The following CLTC variants were observed in gnomAD, a reference collection of about 807,000 sequenced individuals.
CLTC encodes clathrin heavy chain.
A neutral mutation model predicts 195.8 loss-of-function variants in CLTC; 16 were observed. The observed-to-expected ratio is 0.08, with a 90% confidence interval of 0.06 to 0.12. The LOEUF (loss-of-function observed/expected upper bound fraction) is 0.12. CLTC is among the 10% of genes least tolerant of loss of function. The pLI is 1.00. For missense variants in CLTC, 796 were observed against 2,027.0 expected, an observed-to-expected ratio of 0.39 and a Z score of 11.66; for synonymous variants, 667 against 689.4, an observed-to-expected ratio of 0.97 and a Z score of 0.51.
chr17:59,622,091 T>C (rs183470686), intron 1 of CLTC, among the ~76,000 whole-genome samples: 1 of 152,364 alleles, frequency 6.6e-6, no homozygotes, highest in East Asian at 1.9e-4. Context: ...TTGTCACTTA[T>C]TAAAGACAAA....
chr17:59,661,580 T>C lies in CLTC; in HGVS notation c.1305T>C (p.Leu435=). ...GQLNKYESLE[L]CRPVLQQGRK... The stretch of plus-strand genomic sequence containing the variant: ...TCAACAAATACGAATCCTTAGAGCT[T>C]TGTAGGCCTGTACTTCAGCAAGGGC... The change falls in exon 8 of 32, where the codon CTT becomes CTC. Residue 435 remains leucine, a synonymous_variant. Transcript: ENST00000269122. 4 of 1,614,096 alleles carry C rather than the reference T, an allele frequency of 2.5e-6. No individual in the cohort carries two copies. The highest frequency in any genetic ancestry group is 2.5e-6 in the Non-Finnish European group (3 of 1,179,982).
intron 1 of CLTC, among the ~76,000 whole-genome samples, chr17:59,631,206 T>G (rs2031704693): frequency 6.6e-6 from 1 of 152,232 alleles, no homozygotes; most frequent in African/African-American, 2.4e-5. Flanking sequence ...TCAGATTGTT[T>G]CCGTTTCTTC....
At chr17:59,644,587 G>A (rs112296919) in intron 2 of CLTC, 104 bp downstream of exon 2, 2 of 957,618 alleles carry the variant, frequency 2.1e-6, no homozygotes. Context: ...TTTTACTCTT[G>A]TCACCCAGGC....
intron 30 of CLTC, chr17:59,689,711 C>A (rs1342433476): frequency 1.3e-5 from 2 of 152,042 alleles, no homozygotes; most frequent in Non-Finnish European, 2.9e-5. Flanking sequence ...TTCTCTAGTC[C>A]CAGGGTTGTA....
rs1264400681 is a variant in CLTC at position 59,681,616 on chromosome 17, TC to T, written c.3250-30del. The T allele has an allele frequency of 6.3e-7, 1 of 1,594,202 alleles. No individual in the cohort carries two copies. Among genetic ancestry groups the T allele is most frequent in the Admixed American group, 1.7e-5 (1 of 58,542 alleles). On this transcript the variant is annotated intron_variant, in intron 20 of 31. Transcript: ENST00000269122. This position sits in a 1 kb window ranked among gnomAD's most constrained non-coding sequence, Gnocchi z 5.0. Reference sequence around the variant, plus strand: ...TTGCTTTGGGTAGGATTGATTTTACTCTAACCCTAATTTCAAACTTGGATAC... The same window carrying T: ...TTGCTTTGGGTAGGATTGATTTTACTTAACCCTAATTTCAAACTTGGATAC...
At chr17:59,667,167 A>T (rs2032750497) in intron 13 of CLTC, 190 bp downstream of exon 13, 1 of 417,442 alleles carries the variant, frequency 2.4e-6, no homozygotes, top group Non-Finnish European at 4.3e-6. Context: ...GCAGTGAACC[A>T]GACCATCTGT....
chr17:59,676,165 C>T (rs1273772464), intron 16 of CLTC, among the ~76,000 whole-genome samples: 1 of 152,040 alleles, frequency 6.6e-6, no homozygotes, highest in Admixed American at 6.6e-5. Flanking sequence ...CTCCACTGCA[C>T]TCCAGCTTGG....
chr17:59,696,504 G>A lies in CLTC; in HGVS notation c.*2652G>A, dbSNP rs371937092. 2.0e-4 allele frequency: 40 copies of A among 195,584 alleles called. 2 individuals carry two copies. Among genetic ancestry groups the A allele is most frequent in the Admixed American group, 1.4e-3 (21 of 14,532 alleles). The allele number at this position is 195,584 out of a possible 1,614,324, so 12.1% of individuals were successfully genotyped here. ...ACACTGATTTTAGAAATTACTGTCA[G>A]TATCCTCCTAAAAGAAGGCTTAAAT... On this transcript the variant is annotated 3_prime_UTR_variant, in exon 32 of 32. Coordinates refer to ENST00000269122, the MANE Select transcript of CLTC (RefSeq NM_004859.4).
At position 59,683,242 on chromosome 17, in the gene CLTC, T is replaced by A. The variant is rs774637585; in HGVS notation, c.4021T>A (p.Ser1341Thr). The A allele has an allele frequency of 6.2e-7, 1 of 1,614,076 alleles. No individual in the cohort carries two copies. Among genetic ancestry groups the A allele is most frequent in the Non-Finnish European group, 8.5e-7 (1 of 1,179,976 alleles). Residue 1341 changes from serine (S) to threonine (T), a missense_variant, in exon 25 of 32, where the codon TCT (serine) becomes ACT (threonine). Ser to Thr is a moderately conservative substitution (Grantham distance 58). Around this residue, in one of 9 missense-constraint regions of CLTC, gnomAD observed 102 missense variants for 317.6 expected, o/e 0.32. Coordinates refer to ENST00000269122, the MANE Select transcript of CLTC (RefSeq NM_004859.4). The surrounding 1 kb of genome is among the most constrained non-coding windows in gnomAD (Gnocchi z 6.1). Reference sequence around the variant, plus strand: ...GAGGGAGCACCTGGAGCTGTTCTGGTCTAGAGTGAATATTCCCAAGGTAAC... The same window carrying A: ...GAGGGAGCACCTGGAGCTGTTCTGGACTAGAGTGAATATTCCCAAGGTAAC... The part of the protein sequence containing the change: ...KMREHLELFW[S>T]RVNIPKVLRA...
At chr17:59,621,326 G>A (rs2031371044) in intron 1 of CLTC, among the ~76,000 whole-genome samples, 1 of 152,188 alleles carries the variant, frequency 6.6e-6, no homozygotes, top group Non-Finnish European at 1.5e-5. Flanking sequence ...TCCCCTTAAA[G>A]AAACCTGCCT....
rs969794652 is a variant in CLTC at position 59,695,689 on chromosome 17, T to G, written c.*1837T>G. Reference sequence around the variant, plus strand: ...TCAAAAAACAAAAAAACCTATTTAGTTTCATCCAGGACATTAAGTGAAAGT... The same window carrying G: ...TCAAAAAACAAAAAAACCTATTTAGGTTCATCCAGGACATTAAGTGAAAGT... On this transcript the variant is annotated 3_prime_UTR_variant, in exon 32 of 32. Coordinates refer to ENST00000269122, the MANE Select transcript of CLTC (RefSeq NM_004859.4). The G allele has an allele frequency of 5.3e-5, 10 of 188,672 alleles. No individual in the cohort carries two copies. Among genetic ancestry groups the G allele is most frequent in the Non-Finnish European group, 1.1e-4 (10 of 89,746 alleles). The allele number at this position is 188,672 out of a possible 1,614,324, so 11.7% of individuals were successfully genotyped here.
In CLTC at chr17:59,681,925, A is replaced by C. The variant is rs1348890534; in HGVS notation, c.3442+86A>C. Reference sequence around the variant, plus strand: ...ATCTGTCTATTCTGAATTTTAGAAGAGTTGGATACTGCATGGTTTCTTTTA... The same window carrying C: ...ATCTGTCTATTCTGAATTTTAGAAGCGTTGGATACTGCATGGTTTCTTTTA... On this transcript the variant is annotated intron_variant, in intron 21 of 31. Coordinates refer to ENST00000269122, the MANE Select transcript of CLTC (RefSeq NM_004859.4). The surrounding 1 kb of genome is among the most constrained non-coding windows in gnomAD (Gnocchi z 5.0). The C allele has an allele frequency of 8.4e-6, 10 of 1,197,222 alleles. No homozygotes were observed. The East Asian group carries it at 2.1e-4, about 25-fold the overall frequency. 74.2% of individuals were successfully genotyped at this position (1,197,222 alleles called of 1,614,324 possible).
chr17:59,675,666 C>G (rs1414962895), intron 16 of CLTC, among the ~76,000 whole-genome samples: 2 of 151,962 alleles, frequency 1.3e-5, no homozygotes, highest in African/African-American at 4.8e-5. Flanking sequence ...GATTTTATGT[C>G]ATAACAATTT....
chr17:59,685,823 A>C lies in CLTC; in HGVS notation c.4827+15A>C. 1 of 1,577,842 alleles carries C rather than the reference A, an allele frequency of 6.3e-7. No homozygotes were observed. The highest frequency in any genetic ancestry group is 8.7e-7 in the Non-Finnish European group (1 of 1,154,582). The stretch of plus-strand genomic sequence containing the variant: ...ACTTGACAAAGGTAATGACTCTTCT[A>C]AGTGTATTCAGAACTAGTTTCCTTG... On this transcript the variant is annotated intron_variant, in intron 30 of 31. Transcript: ENST00000269122. The surrounding 1 kb of genome is among the most constrained non-coding windows in gnomAD (Gnocchi z 5.0).
chr17:59,653,083 G>A (rs1414092930), intron 5 of CLTC, among the ~76,000 whole-genome samples: 1 of 152,158 alleles, frequency 6.6e-6, no homozygotes, highest in Non-Finnish European at 1.5e-5. Context: ...AGCCTTCACA[G>A]AATTGAGGAG....
Position 59,685,691 on chromosome 17 carries a change from G to A in CLTC, c.4710G>A (p.Leu1570=). The change falls in exon 30 of 32, where the codon CTG becomes CTA. Residue 1570 remains leucine (L), a synonymous_variant. Transcript: ENST00000269122. This position sits in a 1 kb window ranked among gnomAD's most constrained non-coding sequence, Gnocchi z 5.0. ...EEKRECFGAC[L]FTCYDLLRPD... is the part of the protein sequence containing the mutation. ...AAAGAGAGTGCTTTGGAGCTTGTCT[G>A]TTTACCTGTTACGATCTTTTAAGGC... The A allele has an allele frequency of 6.2e-7, 1 of 1,614,092 alleles. No individual in the cohort carries two copies. Among genetic ancestry groups the A allele is most frequent in the African/African-American group, 1.3e-5 (1 of 75,030 alleles).
chr17:59,685,331 C>A lies in CLTC; in HGVS notation c.4605+105C>A. 1 of 1,180,470 alleles carries A rather than the reference C, an allele frequency of 8.5e-7. No homozygotes were observed. Among genetic ancestry groups the A allele is most frequent in the Non-Finnish European group, 1.2e-6 (1 of 865,900 alleles). 73.1% of individuals were successfully genotyped at this position (1,180,470 alleles called of 1,614,324 possible). On this transcript the variant is annotated intron_variant, in intron 29 of 31. Transcript: ENST00000269122. The surrounding 1 kb of genome is among the most constrained non-coding windows in gnomAD (Gnocchi z 5.0). ...AGTATTGGTTTTGTGAATATGAGAGCTGACTTTAAGGCAATTTAAGTTAAT... is the reference window on the plus strand; with the variant it reads ...AGTATTGGTTTTGTGAATATGAGAGATGACTTTAAGGCAATTTAAGTTAAT...
chr17:59,666,566 G>A lies in CLTC; in HGVS notation c.1869G>A (p.Leu623=). ...AACTGTGTGAAAAGGCTGGCCTACT[G>A]CAGCGTGCATTAGAACATTTCACTG... The part of the protein sequence containing the change: ...IAQLCEKAGL[L]QRALEHFTDL... The change falls in exon 12 of 32, where the codon CTG becomes CTA. Residue 623 remains leucine (L), a synonymous_variant. Transcript: ENST00000269122. This position sits in a 1 kb window ranked among gnomAD's most constrained non-coding sequence, Gnocchi z 4.9. 1.2e-6 allele frequency: 2 copies of A among 1,614,080 alleles called. No individual in the cohort carries two copies. The highest frequency in any genetic ancestry group is 1.7e-6 in the Non-Finnish European group (2 of 1,179,986).
At chr17:59,658,872 T>C (rs1406715778) in intron 6 of CLTC, 1 of 152,198 alleles carries the variant, frequency 6.6e-6, no homozygotes, top group Non-Finnish European at 1.5e-5. Flanking sequence ...TATTACTTCC[T>C]TTAAATAAGC....
Sources: gnomAD v4.1 joint callset for allele counts (sites outside exome capture counted in the v4.1 genomes callset) on GRCh38, gnomAD v4.1.1 for gene constraint, gnomAD v4.1.1 regional missense constraint, Gnocchi (gnomAD v3.1) non-coding constraint, MANE v1.5 for transcripts, NCBI Gene and HGNC (gene_info 2026-07-23, HGNC 2026-07-21) for gene names.